Variants in NT5DC4 observed in about 807,000 individuals in gnomAD.
NT5DC4 encodes the protein 5'-nucleotidase domain-containing protein 4.
A neutral mutation model predicts 26.6 loss-of-function variants in NT5DC4; 44 were observed. The observed-to-expected ratio is 1.65, with a 90% CI of 1.30 to 2.13. NT5DC4 has a LOEUF of 2.13. Among genes scored for constraint, NT5DC4 ranks in the 30% most tolerant of loss-of-function variants. The pLI is 0.00. For missense variants in NT5DC4, 399 were observed against 228.1 expected, an observed-to-expected ratio of 1.75 and a Z score of -4.83; for synonymous variants, 157 against 86.7, an observed-to-expected ratio of 1.81 and a Z score of -4.51.
chr2:112,736,824 T>A (rs1679249344), intron 16 of NT5DC4: 1 of 152,262 alleles, frequency 6.6e-6, no homozygotes, highest in South Asian at 2.1e-4. Context: ...CGTATTTTCT[T>A]TATTTGTCCA....
chr2:112,740,612 GA>G (rs1679860345), downstream of NT5DC4, among the ~76,000 whole-genome samples: 1 of 152,110 alleles, frequency 6.6e-6, no homozygotes, highest in Non-Finnish European at 1.5e-5. Flanking sequence ...AGGCAGATAG[GA>G]TCTGCAAGTG....
At chr2:112,735,490 C>A (rs944313725) in intron 16 of NT5DC4, among the ~76,000 whole-genome samples, 24 of 119,036 alleles carry the variant, frequency 2.0e-4, no homozygotes, top group Non-Finnish European at 3.9e-5. Context: ...CCTCCCCCCC[C>A]TTTTTTTCTT....
At chr2:112,721,209 C>T (rs1359172289) in intron 1 of NT5DC4, among the ~76,000 whole-genome samples, 56 bp downstream of exon 1, 2 of 152,234 alleles carry the variant, frequency 1.3e-5, no homozygotes, top group Non-Finnish European at 2.9e-5. Context: ...ACACCCCACA[C>T]GCCACAGCAG....
rs1676911700 is a variant in NT5DC4, at chr2:112,721,881, C to T, written c.138C>T (p.Tyr46=). The T allele has an allele frequency of 2.8e-6, 2 of 717,422 alleles. No individual in the cohort carries two copies. Among genetic ancestry groups the T allele is most frequent in the Non-Finnish European group, 2.6e-6 (1 of 385,100 alleles). The allele number at this position is 717,422 out of a possible 1,614,324, so 44.4% of individuals were successfully genotyped here. Reference sequence around the variant, plus strand: ...GTTGCTTTGGCTTCGACATGGACTACACTCTGGCTGGTAGAGAGGGCTGGA... The same window carrying T: ...GTTGCTTTGGCTTCGACATGGACTATACTCTGGCTGGTAGAGAGGGCTGGA... The part of the protein sequence containing the change: ...KIRCFGFDMD[Y]TLAAYKSPAY... Residue 46 remains tyrosine, a synonymous_variant, in exon 2 of 17, where the codon TAC becomes TAT. Coordinates refer to ENST00000688554, the MANE Select transcript of NT5DC4 (RefSeq NM_001393655.1).
chr2:112,725,883 AAGGTACACAC>A, intron 13 of NT5DC4, among the ~76,000 whole-genome samples: 1 of 93,986 alleles, frequency 1.1e-5, no homozygotes, highest in African/African-American at 5.3e-5. Flanking sequence ...CAGTGAGTGG[AAGGTACACAC>A]CTTCCACCCA....
At chr2:112,738,735 C>T in intron 16 of NT5DC4, 178 bp from the exon 17 acceptor site, 1 of 846,478 alleles carries the variant, frequency 1.2e-6, no homozygotes. Flanking sequence ...TCCATGATGC[C>T]TCTCTTTTTT....
intron 16 of NT5DC4, among the ~76,000 whole-genome samples, chr2:112,730,606 G>A (rs1678373250): frequency 6.6e-6 from 1 of 152,094 alleles, no homozygotes; most frequent in African/African-American, 2.4e-5. Flanking sequence ...TGGATTCCTC[G>A]TTGGGTTCTG....
At chr2:112,734,525 A>T (rs1056667434) in intron 16 of NT5DC4, among the ~76,000 whole-genome samples, 1 of 152,200 alleles carries the variant, frequency 6.6e-6, no homozygotes, top group Non-Finnish European at 1.5e-5. Context: ...CTGGGAAATG[A>T]TGCCTCACTG....
intron 13 of NT5DC4, 61 bp from the exon 14 acceptor site, chr2:112,726,177 G>A: frequency 1.4e-6 from 1 of 716,042 alleles, no homozygotes; most frequent in East Asian, 2.7e-5. Context: ...ACACAGGCAG[G>A]CAGGGCCAGT....
At chr2:112,735,458 G>T (rs903673907) in intron 16 of NT5DC4, among the ~76,000 whole-genome samples, 3 of 151,332 alleles carry the variant, frequency 2.0e-5, no homozygotes, top group African/African-American at 7.3e-5. Context: ...TGGTCATTCT[G>T]CACAGAGATG....
chr2:112,739,548 G>C (rs1679719377), downstream of NT5DC4, among the ~76,000 whole-genome samples: 2 of 152,218 alleles, frequency 1.3e-5, no homozygotes, highest in African/African-American at 2.4e-5. Context: ...TCAAATATTT[G>C]GCAGTTGGTG....
At chr2:112,725,647 A>C in intron 13 of NT5DC4, 95 bp downstream of exon 13, 1 of 578,748 alleles carries the variant, frequency 1.7e-6, no homozygotes, top group South Asian at 2.3e-5. Flanking sequence ...GGGGGTTAGT[A>C]GTTGTGACCA....
At chr2:112,732,210 ATTT>A (rs60070270) in intron 16 of NT5DC4, among the ~76,000 whole-genome samples, 1,835 of 150,280 alleles carry the variant, frequency 0.012, 32 homozygotes, top group African/African-American at 0.041. Flanking sequence ...CGAGCCTGGC[ATTT>A]TTTTTTTTAA....
chr2:112,720,012 C>CCCTTCCTTCCTTCCTTCCTT (rs770903380), upstream of NT5DC4, among the ~76,000 whole-genome samples: 76 of 97,614 alleles, frequency 7.8e-4, no homozygotes, highest in African/African-American at 3.2e-3. Context: ...CTTTTCTTTT[C>CCCTTCCTTCCTTCCTTCCTT]CCTTCCTTCC....
chr2:112,725,464 T>C lies in NT5DC4; in HGVS notation c.1065T>C (p.Ile355=), dbSNP rs1677583381. The change falls in exon 13 of 17, where the codon ATT becomes ATC. Residue 355 remains isoleucine (I), a synonymous_variant. Transcript: ENST00000688554. ...LYIGDHIFGD[I]LKSKKRQGWR... is the part of the protein sequence containing the mutation. ...TTGGGGACCACATTTTTGGGGACAT[T>C]CTCAAGTCCAAGAAGCGTCAGGGCT... is the stretch of plus-strand genomic sequence containing the variant. 2 of 717,074 alleles carry C rather than the reference T, an allele frequency of 2.8e-6. No individual in the cohort carries two copies. Among genetic ancestry groups the C allele is most frequent in the Non-Finnish European group, 5.2e-6 (2 of 384,982 alleles). The allele number at this position is 717,074 out of a possible 1,614,324, so 44.4% of individuals were successfully genotyped here. A position where few individuals can be genotyped will look rare whatever the true frequency, so the allele number is the denominator to read the frequency against.
chr2:112,733,173 T>C (rs1678681306), intron 16 of NT5DC4, among the ~76,000 whole-genome samples: 1 of 151,880 alleles, frequency 6.6e-6, no homozygotes. Context: ...AGAAAACTCA[T>C]ATCCTTAGAC....
intron 15 of NT5DC4, 26 bp from the exon 16 acceptor site, chr2:112,729,601 A>C (rs546055141): frequency 4.2e-6 from 3 of 717,532 alleles, no homozygotes; most frequent in African/African-American, 1.7e-5. Context: ...GGAGTGCTTC[A>C]CCTCCACCTG....
chr2:112,726,374 G>A, intron 14 of NT5DC4, 85 bp downstream of exon 14: 1 of 709,944 alleles, frequency 1.4e-6, no homozygotes, highest in Non-Finnish European at 2.6e-6. Context: ...TGGCGGCGAG[G>A]TCCCGGCCAA....
chr2:112,742,524 C>T, downstream of NT5DC4: 1 of 714,302 alleles, frequency 1.4e-6, no homozygotes, highest in Admixed American at 2.0e-5. Flanking sequence ...TTGAGTAGTG[C>T]ATTTACTTGT....
Sources: gnomAD v4.1 joint callset for allele counts (sites outside exome capture counted in the v4.1 genomes callset) on GRCh38, gnomAD v4.1.1 for gene constraint, MANE v1.5 for transcripts, NCBI Gene and HGNC (gene_info 2026-07-23, HGNC 2026-07-21) for gene names.